The following SLC43A2 variants were observed in gnomAD, a reference collection of about 807,000 sequenced individuals.
The protein encoded by SLC43A2 is large neutral amino acids transporter small subunit 4.
Under a neutral mutation model 63.2 loss-of-function variants are expected in SLC43A2, and 38 were observed. That is an observed-to-expected ratio of 0.60 (90% confidence interval 0.46 to 0.79). The LOEUF is 0.79. Among genes scored for constraint, SLC43A2 ranks in the 30% least tolerant of loss-of-function variants. The pLI is 0.00. For missense variants in SLC43A2, 644 were observed against 756.2 expected, an observed-to-expected ratio of 0.85 and a Z score of 1.74; for synonymous variants, 322 against 331.0, an observed-to-expected ratio of 0.97 and a Z score of 0.30.
intron 12 of SLC43A2, 84 bp from the exon 13 acceptor site, chr17:1,576,804 G>T: frequency 6.6e-7 from 1 of 1,514,218 alleles, no homozygotes; most frequent in Non-Finnish European, 8.8e-7. Context: ...GGGCTGCACC[G>T]TTGGTGCCAG....
At chr17:1,601,630 C>T (rs567676733) in intron 5 of SLC43A2, among the ~76,000 whole-genome samples, 13 of 151,752 alleles carry the variant, frequency 8.6e-5, no homozygotes, top group Admixed American at 8.5e-4. Flanking sequence ...TGAGACTACC[C>T]CAGGCATGCA....
At chr17:1,588,215 G>A (rs1175116107) in intron 9 of SLC43A2, among the ~76,000 whole-genome samples, 2 of 151,868 alleles carry the variant, frequency 1.3e-5, no homozygotes, top group East Asian at 1.9e-4. Flanking sequence ...GTGAAACTCC[G>A]TCTCTACTAA....
At chr17:1,604,120 A>T (rs1906344765) in intron 5 of SLC43A2, among the ~76,000 whole-genome samples, 1 of 152,120 alleles carries the variant, frequency 6.6e-6, no homozygotes, top group Non-Finnish European at 1.5e-5. Flanking sequence ...AGCTCACTTC[A>T]AGCTCCACCT....
Position 1,614,964 on chromosome 17 carries a change from GGA to G in SLC43A2, c.424+13_424+14del. On this transcript the variant is annotated intron_variant, in intron 4 of 13. Transcript: ENST00000301335. Reference sequence around the variant, plus strand: ...CCCCGGTCCCTGACAGAAGATGGAGGGAGAGGACACTCACCGTTTGGTTTACT... The same window carrying G: ...CCCCGGTCCCTGACAGAAGATGGAGGGAGGACACTCACCGTTTGGTTTACT... 6.2e-7 allele frequency: 1 copy of G among 1,613,482 alleles called. No individual in the cohort carries two copies. The highest frequency in any genetic ancestry group is 8.5e-7 in the Non-Finnish European group (1 of 1,179,744).
intron 2 of SLC43A2, among the ~76,000 whole-genome samples, chr17:1,618,378 CCTT>C (rs1380003843): frequency 1.3e-5 from 2 of 152,152 alleles, no homozygotes; most frequent in Non-Finnish European, 1.5e-5. Flanking sequence ...ATTCAGAAAA[CCTT>C]CTGGAGCTCA....
chr17:1,598,190 A>G (rs1905515216), intron 5 of SLC43A2, among the ~76,000 whole-genome samples: 1 of 152,234 alleles, frequency 6.6e-6, no homozygotes, highest in Non-Finnish European at 1.5e-5. Flanking sequence ...TGGGAGGCCG[A>G]GGCAGGTGGA....
At chr17:1,586,928 T>TCCACC in intron 9 of SLC43A2, 2 of 1,232,914 alleles carry the variant, frequency 1.6e-6, no homozygotes. Flanking sequence ...TCCCTGACAA[T>TCCACC]CCCCCCCACC....
At chr17:1,627,274 G>A (rs1244067728) in intron 2 of SLC43A2, among the ~76,000 whole-genome samples, 1 of 152,134 alleles carries the variant, frequency 6.6e-6, no homozygotes, top group African/African-American at 2.4e-5. Context: ...AGCCCTCCCT[G>A]GGGTGGAGGC....
intron 10 of SLC43A2, 33 bp downstream of exon 10, chr17:1,585,880 C>T (rs760883650): frequency 1.9e-6 from 3 of 1,613,110 alleles, no homozygotes; most frequent in Non-Finnish European, 2.5e-6. Context: ...GGGCTGCGGG[C>T]TGGGAGCCGG....
chr17:1,605,026 A>G lies in SLC43A2; in HGVS notation c.501+8169T>C. ...GAAGGACCCCAGGAGGGGAAGGACC[A>G]GCTTTGCTGCCAAGCAGGAAGCCGG... On this transcript the variant is annotated intron_variant, in intron 5 of 13. Transcript: ENST00000301335. This position sits in a 1 kb window ranked among gnomAD's most constrained non-coding sequence, Gnocchi z 4.9. 1 of 1,421,996 alleles carries G rather than the reference A, an allele frequency of 7.0e-7. No individual in the cohort carries two copies. Among genetic ancestry groups the G allele is most frequent in the Non-Finnish European group, 9.2e-7 (1 of 1,090,262 alleles). 88.1% of individuals were successfully genotyped at this position (1,421,996 alleles called of 1,614,324 possible).
At position 1,576,670 on chromosome 17, in the gene SLC43A2, C is replaced by T; in HGVS notation, c.1475G>A (p.Ser492Asn). The T allele has an allele frequency of 1.2e-6, 2 of 1,611,198 alleles. No individual in the cohort carries two copies. Among genetic ancestry groups the T allele is most frequent in the Middle Eastern group, 1.7e-4 (1 of 6,060 alleles). Residue 492 changes from serine to asparagine, a missense_variant, in exon 13 of 14, where the codon AGC (serine) becomes AAC (asparagine). Ser to Asn is a conservative substitution (Grantham distance 46). Around this residue, in one of 3 missense-constraint regions of SLC43A2, gnomAD observed 105 missense variants for 101.7 expected, o/e 1.03. Transcript: ENST00000301335. ...CTGCTGCAGAAGGGCGAAGAGCGCG[C>T]TGATCAGAGACTGCAGTCCCGTGAG... ...GSLTGLQSLI[S>N]ALFALLQQPL...
intron 2 of SLC43A2, 22 bp from the exon 3 acceptor site, chr17:1,616,791 C>A (rs1273733495): frequency 2.5e-6 from 4 of 1,612,176 alleles, no homozygotes; most frequent in South Asian, 2.2e-5. Flanking sequence ...GGGAAGGAAA[C>A]CCTGACCTCA....
chr17:1,575,718 C>G lies in SLC43A2; in HGVS notation c.1596G>C (p.Pro532=). The G allele has an allele frequency of 6.2e-7, 1 of 1,613,752 alleles. No individual in the cohort carries two copies. The highest frequency in any genetic ancestry group is 8.5e-7 in the Non-Finnish European group (1 of 1,179,932). Residue 532 remains proline (P), a synonymous_variant, in exon 14 of 14, where the codon CCG becomes CCC. Coordinates refer to ENST00000301335, the MANE Select transcript of SLC43A2 (RefSeq NM_152346.3). ...LLLSLLGFCL[P]LYLICYRRQL... is the part of the protein sequence containing the mutation. ...GGCGCCGGTAGCAGATCAGGTAGAG[C>G]GGGAGGCAGAAGCCCAGCAGGCTGA...
intron 5 of SLC43A2, among the ~76,000 whole-genome samples, chr17:1,600,152 A>ATATATATATATATATATATT (rs1216616243): frequency 1.7e-5 from 1 of 60,270 alleles, no homozygotes; most frequent in African/African-American, 5.4e-5. Flanking sequence ...ATATATATAT[A>ATATATATATATATATATATT]TTTTTTTTTT....
At position 1,592,514 on chromosome 17, in the gene SLC43A2, C is replaced by T. The variant is rs576778587; in HGVS notation, c.594+673G>A. 1.8e-4 allele frequency among the ~76,000 whole-genome samples: 27 copies of T among 152,314 alleles called. No individual in the cohort carries two copies. In the East Asian group the frequency reaches 5.2e-3, roughly 29 times the overall value. The stretch of plus-strand genomic sequence containing the variant: ...TCTGCAAGTCCATAGGATGGCTGGC[C>T]CCAGAGTCCCAGCTCCCACCACTTC... On this transcript the variant is annotated intron_variant, in intron 6 of 13. Transcript: ENST00000301335.
intron 6 of SLC43A2, 25 bp from the exon 7 acceptor site, chr17:1,591,724 TGGGGG>T: frequency 1.9e-4 from 41 of 218,394 alleles, no homozygotes; most frequent in Non-Finnish European, 3.2e-4. Flanking sequence ...GGGGACGGGG[TGGGGG>T]GGGGAGGGGG....
chr17:1,594,637 T>C (rs11870396), intron 5 of SLC43A2, among the ~76,000 whole-genome samples: 2 of 134,388 alleles, frequency 1.5e-5, no homozygotes, highest in Non-Finnish European at 3.2e-5. Flanking sequence ...GCCCAGGCTG[T>C]ACTGCAGTGG....
At chr17:1,614,952 C>A in intron 4 of SLC43A2, 27 bp downstream of exon 4, 1 of 1,612,630 alleles carries the variant, frequency 6.2e-7, no homozygotes, top group Non-Finnish European at 8.5e-7. Context: ...CGGTCCCTGA[C>A]AGAAGATGGA....
At chr17:1,591,739 G>GGGGGGGGGGGGGGGC in intron 6 of SLC43A2, 40 bp from the exon 7 acceptor site, 1 of 512,310 alleles carries the variant, frequency 2.0e-6, no homozygotes, top group Non-Finnish European at 3.9e-6. Context: ...GGGGGAGGGG[G>GGGGGGGGGGGGGGGC]CAGAGTTAGC....
Sources: gnomAD v4.1 joint callset for allele counts (sites outside exome capture counted in the v4.1 genomes callset) on GRCh38, gnomAD v4.1.1 for gene constraint, gnomAD v4.1.1 regional missense constraint, Gnocchi (gnomAD v3.1) non-coding constraint, MANE v1.5 for transcripts, NCBI Gene and HGNC (gene_info 2026-07-23, HGNC 2026-07-21) for gene names.